Variants in ATRNL1 observed in about 807,000 individuals in gnomAD.
ATRNL1 encodes attractin like 1.
In ATRNL1, 95 loss-of-function variants were observed where a neutral mutation model predicts 182.7. That is an observed-to-expected ratio of 0.52 (90% CI 0.44 to 0.62). The LOEUF (loss-of-function observed/expected upper bound fraction) is 0.62, where lower values mean the gene tolerates loss of function less well. Among genes scored for constraint, ATRNL1 ranks in the 20% least tolerant of loss-of-function variants. ATRNL1 has a pLI of 0.00. For synonymous variants in ATRNL1, 576 were observed against 568.3 expected (o/e 1.01, Z -0.19); for missense variants, 1,471 against 1,679.5 (o/e 0.88, Z 2.17).
intron 19 of ATRNL1, among the ~76,000 whole-genome samples, chr10:115,343,684 T>C (rs544786255): frequency 5.6e-4 from 86 of 152,314 alleles, no homozygotes; most frequent in African/African-American, 2.0e-3. Flanking sequence ...GTGTTGATGC[T>C]AATAGATGTT....
intron 28 of ATRNL1, among the ~76,000 whole-genome samples, chr10:115,922,803 A>G (rs1555119015): frequency 1.3e-5 from 2 of 152,236 alleles, no homozygotes; most frequent in African/African-American, 2.4e-5. Context: ...TATAACAACA[A>G]TGTATAGAGG....
At chr10:115,411,869 ATATTT>A (rs1554959977) in intron 20 of ATRNL1, among the ~76,000 whole-genome samples, 1 of 152,092 alleles carries the variant, frequency 6.6e-6, no homozygotes, top group African/African-American at 2.4e-5. Context: ...ATATATTGAA[ATATTT>A]TATATTATAA....
chr10:115,647,671 T>C (rs1593004100), intron 26 of ATRNL1, among the ~76,000 whole-genome samples: 1 of 152,196 alleles, frequency 6.6e-6, no homozygotes, highest in East Asian at 1.9e-4. Flanking sequence ...TGTAAATTTG[T>C]TTAAGTTTTT....
chr10:115,392,317 G>C (rs1844069376), intron 19 of ATRNL1, among the ~76,000 whole-genome samples: 1 of 151,914 alleles, frequency 6.6e-6, no homozygotes, highest in Non-Finnish European at 1.5e-5. Flanking sequence ...CTCTGTCACT[G>C]ACCCTTTAAA....
intron 8 of ATRNL1, among the ~76,000 whole-genome samples, chr10:115,178,015 T>C (rs1592217507): frequency 1.3e-5 from 2 of 148,378 alleles, no homozygotes; most frequent in Non-Finnish European, 3.0e-5. Context: ...GCCACCTGGG[T>C]TCAAGTGATC....
intron 26 of ATRNL1, among the ~76,000 whole-genome samples, chr10:115,629,975 T>G (rs546856584): frequency 2.0e-5 from 3 of 152,268 alleles, no homozygotes; most frequent in Admixed American, 6.5e-5. Flanking sequence ...TTCTCTCAAC[T>G]TATAGGTTCC....
chr10:115,783,323 T>C (rs1330574380), intron 27 of ATRNL1, among the ~76,000 whole-genome samples: 1 of 152,070 alleles, frequency 6.6e-6, no homozygotes, highest in Admixed American at 6.6e-5. Context: ...TAAATTAGAC[T>C]GATAAAAATC....
chr10:115,282,294 C>G (rs1232490593), intron 14 of ATRNL1, among the ~76,000 whole-genome samples: 1 of 147,946 alleles, frequency 6.8e-6, no homozygotes, highest in African/African-American at 2.5e-5. Flanking sequence ...TTTTAGGGTA[C>G]ATGTGCACAA....
chr10:115,122,445 A>G (rs1554871964), intron 3 of ATRNL1, among the ~76,000 whole-genome samples: 1 of 151,936 alleles, frequency 6.6e-6, no homozygotes, highest in Non-Finnish European at 1.5e-5. Context: ...AGAAAAAATT[A>G]TGAACATGTA....
intron 18 of ATRNL1, among the ~76,000 whole-genome samples, chr10:115,319,667 T>G (rs974566224): frequency 6.6e-6 from 1 of 152,148 alleles, no homozygotes; most frequent in African/African-American, 2.4e-5. Flanking sequence ...TTTAAATCTT[T>G]GTTGGTTTAA....
chr10:115,857,437 T>C (rs1159940060), intron 28 of ATRNL1, among the ~76,000 whole-genome samples: 1 of 152,116 alleles, frequency 6.6e-6, no homozygotes, highest in Non-Finnish European at 1.5e-5. Context: ...AATTATGGAG[T>C]CAGAATTTAA....
intron 26 of ATRNL1, among the ~76,000 whole-genome samples, chr10:115,661,449 A>G (rs6585345): frequency 6.6e-6 from 1 of 152,188 alleles, no homozygotes; most frequent in Non-Finnish European, 1.5e-5. Context: ...ATTTAATAAA[A>G]TTCAAATTAA....
At chr10:115,539,926 C>T (rs1307219991) in intron 25 of ATRNL1, among the ~76,000 whole-genome samples, 1 of 138,728 alleles carries the variant, frequency 7.2e-6, no homozygotes, top group African/African-American at 2.7e-5. Context: ...GCCCACAAAT[C>T]CAGAAAGGAC....
chr10:115,810,976 A>G (rs1256007825), intron 27 of ATRNL1, among the ~76,000 whole-genome samples: 1 of 151,212 alleles, frequency 6.6e-6, no homozygotes, highest in African/African-American at 2.4e-5. Flanking sequence ...TTGTTTTTCT[A>G]TTTTGCATGT....
intron 5 of ATRNL1, among the ~76,000 whole-genome samples, chr10:115,136,936 TAAAA>T (rs1845539960): frequency 6.6e-6 from 1 of 152,240 alleles, no homozygotes; most frequent in African/African-American, 2.4e-5. Context: ...ACTGATCTCT[TAAAA>T]TGGCTTCCAA....
At chr10:115,553,233 T>G (rs1554996049) in intron 26 of ATRNL1, among the ~76,000 whole-genome samples, 1 of 151,190 alleles carries the variant, frequency 6.6e-6, no homozygotes, top group African/African-American at 2.4e-5. Flanking sequence ...CATTTTGAGT[T>G]GTTTAAATGT....
chr10:115,468,251 G>A (rs938078101), intron 23 of ATRNL1, among the ~76,000 whole-genome samples: 1 of 150,474 alleles, frequency 6.6e-6, no homozygotes, highest in Admixed American at 6.7e-5. Flanking sequence ...AAACTGTAAG[G>A]GTTTAAAAAT....
intron 19 of ATRNL1, among the ~76,000 whole-genome samples, chr10:115,352,115 A>G (rs893623467): frequency 1.3e-5 from 2 of 152,112 alleles, no homozygotes; most frequent in African/African-American, 4.8e-5. Flanking sequence ...GTTGCTTATC[A>G]TAGTCTCTAA....
At chr10:115,640,877 T>C (rs1226280058) in intron 26 of ATRNL1, among the ~76,000 whole-genome samples, 1 of 152,168 alleles carries the variant, frequency 6.6e-6, no homozygotes, top group African/African-American at 2.4e-5. Context: ...ATTGCCTAGG[T>C]TTTCTTCTAG....
Sources: gnomAD v4.1 joint callset for allele counts (sites outside exome capture counted in the v4.1 genomes callset) on GRCh38, gnomAD v4.1.1 for gene constraint, MANE v1.5 for transcripts, NCBI Gene and HGNC (gene_info 2026-07-23, HGNC 2026-07-21) for gene names.